Variants in MCM4 observed in about 807,000 individuals in gnomAD.
MCM4 encodes the protein minichromosome maintenance complex component 4.
MCM4 carries 60 observed loss-of-function variants against 88.7 expected under a neutral mutation model. The observed-to-expected ratio is 0.68, with a 90% confidence interval of 0.55 to 0.84. MCM4 has a LOEUF of 0.84. Ranked by LOEUF, MCM4 falls within the 40% of genes least tolerant of loss-of-function variation. The pLI is 0.00. For synonymous variants in MCM4, 465 were observed against 410.5 expected (o/e 1.13, Z -1.61); for missense variants, 1,149 against 1,105.5 (o/e 1.04, Z -0.56).
rs191572314 is a variant in MCM4 at position 47,962,501 on chromosome 8, G to C, written c.501+95G>C. 4.1e-5 allele frequency: 53 copies of C among 1,283,792 alleles called. No homozygotes were observed. The East Asian group carries it at 1.2e-3, about 30-fold the overall frequency. 79.5% of individuals were successfully genotyped at this position (1,283,792 alleles called of 1,614,324 possible). On this transcript the variant is annotated intron_variant, in intron 5 of 16. Transcript: ENST00000649973. ...ATCTAAGTAGCCATAATGACTAGAA[G>C]GGCCACCTGTGGTGGCTCACACCTA...
rs756064347 is a variant in MCM4 at position 47,974,838 on chromosome 8, A to G, written c.2241A>G (p.Val747=). 6.2e-6 allele frequency: 10 copies of G among 1,614,242 alleles called. No individual in the cohort carries two copies. The highest frequency in any genetic ancestry group is 1.6e-4 in the Middle Eastern group (1 of 6,062). ...GCTTAGCAGAAGCCCATGCTAAAGT[A>G]AGATTGTCTAACAAAGTTGAAGCCA... ...LIRLAEAHAK[V]RLSNKVEAID... Residue 747 remains valine, a synonymous_variant, in exon 15 of 17, where the codon GTA becomes GTG. Coordinates refer to ENST00000649973, the MANE Select transcript of MCM4 (RefSeq NM_182746.3).
At chr8:47,964,848 T>G in intron 8 of MCM4, 136 bp downstream of exon 8, 1 of 686,946 alleles carries the variant, frequency 1.5e-6, no homozygotes, top group Non-Finnish European at 2.3e-6. Flanking sequence ...TTGACAATAA[T>G]ATAGATTCAG....
rs369250243 is a variant in MCM4 at position 47,966,351 on chromosome 8, A to G, written c.997A>G (p.Thr333Ala). ...GCCCAGTGTGTGCGGGCGCTGCCAC[A>G]CCACCCACAGCATGGCACTCATCCA... Reference protein sequence around the residue: ...AEPSVCGRCHTTHSMALIHNR... With the variant: ...AEPSVCGRCHATHSMALIHNR... Residue 333 changes from threonine to alanine, a missense_variant, in exon 9 of 17, where the codon ACC becomes GCC. Transcript: ENST00000649973. The G allele has an allele frequency of 6.2e-6, 10 of 1,613,810 alleles. No homozygotes were observed. The highest frequency in any genetic ancestry group is 1.3e-5 in the African/African-American group (1 of 74,926).
intron 5 of MCM4, 84 bp downstream of exon 5, chr8:47,962,490 A>G: frequency 7.1e-7 from 1 of 1,404,032 alleles, no homozygotes; most frequent in Admixed American, 1.8e-5. Flanking sequence ...AAGTAGCCAT[A>G]ATGACTAGAA....
chr8:47,972,889 A>G lies in MCM4; in HGVS notation c.1961A>G (p.Gln654Arg). The change falls in exon 14 of 17, where the codon CAG becomes CGG. Residue 654 changes from glutamine (Q) to arginine (R), a missense_variant. By Grantham distance (43) the Gln-to-Arg change is conservative. Coordinates refer to ENST00000649973, the MANE Select transcript of MCM4 (RefSeq NM_182746.3). ...TTGATCTTCCTCTTGCTGGACCCTC[A>G]GGACGAAGCCTATGACAGGCGTCTG... ...FDLIFLLLDP[Q>R]DEAYDRRLAH... 6.2e-7 allele frequency: 1 copy of G among 1,614,190 alleles called. No homozygotes were observed. Among genetic ancestry groups the G allele is most frequent in the South Asian group, 1.1e-5 (1 of 91,084 alleles).
intron 11 of MCM4, 97 bp from the exon 12 acceptor site, chr8:47,970,414 A>T: frequency 7.0e-7 from 1 of 1,419,372 alleles, no homozygotes; most frequent in Non-Finnish European, 9.5e-7. Context: ...TCTTAATTGT[A>T]GTTCTTTATA....
chr8:47,961,753 C>A, intron 3 of MCM4, 73 bp downstream of exon 3: 1 of 1,513,338 alleles, frequency 6.6e-7, no homozygotes, highest in Non-Finnish European at 8.9e-7. Context: ...GGTTTACTGG[C>A]TTTATAACAG....
At chr8:47,970,152 A>G in intron 11 of MCM4, 95 bp downstream of exon 11, 1 of 1,426,970 alleles carries the variant, frequency 7.0e-7, no homozygotes, top group Non-Finnish European at 9.6e-7. Flanking sequence ...ATCCGCCATA[A>G]AGGACAGAGT....
chr8:47,964,633 C>T lies in MCM4; in HGVS notation c.753C>T (p.Asp251=). ...VNEIFFDRYP[D]SILEHQIQVR... ...AAATCTTCTTTGACCGTTACCCTGACTCAATCTTAGAACATCAGATTCAAG... is the reference window on the plus strand; with the variant it reads ...AAATCTTCTTTGACCGTTACCCTGATTCAATCTTAGAACATCAGATTCAAG... The change falls in exon 8 of 17, where the codon GAC becomes GAT. Residue 251 remains aspartate (D), a synonymous_variant. Transcript: ENST00000649973. The T allele has an allele frequency of 6.2e-7, 1 of 1,607,536 alleles. No homozygotes were observed. The highest frequency in any genetic ancestry group is 8.5e-7 in the Non-Finnish European group (1 of 1,178,348).
In MCM4 at chr8:47,967,221, A is replaced by T. The variant is rs146346237; in HGVS notation, c.1054-144A>T. On this transcript the variant is annotated intron_variant, in intron 9 of 16. Transcript: ENST00000649973. ...ACTTCTTTAGAAGAAGTAATTTCTA[A>T]GGAAATAATGAGAAACATGGACAAT... The T allele has an allele frequency of 2.2e-4, 199 of 898,724 alleles. No individual in the cohort carries two copies. The African/African-American group carries it at 3.2e-3, about 14-fold the overall frequency. 55.7% of individuals were successfully genotyped at this position (898,724 alleles called of 1,614,324 possible).
In MCM4 at chr8:47,975,765, A is replaced by G. The variant is rs775169389; in HGVS notation, c.2416A>G (p.Lys806Glu). The change falls in exon 16 of 17, where the codon AAA (lysine) becomes GAA (glutamate). Residue 806 changes from lysine (K) to glutamate (E), a missense_variant. By Grantham distance (56) the Lys-to-Glu change is moderately conservative. Coordinates refer to ENST00000649973, the MANE Select transcript of MCM4 (RefSeq NM_182746.3). Reference sequence around the variant, plus strand: ...GAAAGAAGAATTAGCTGAAGCATTGAAAAAGCTTATTTTATCTAAGGGCAA... The same window carrying G: ...GAAAGAAGAATTAGCTGAAGCATTGGAAAAGCTTATTTTATCTAAGGGCAA... ...KRKEELAEAL[K>E]KLILSKGKTP... 1.6e-5 allele frequency: 26 copies of G among 1,586,584 alleles called. No individual in the cohort carries two copies. In the East Asian group the frequency reaches 6.0e-4, roughly 36 times the overall value.
chr8:47,969,076 T>G (rs2090927181), intron 10 of MCM4: 1 of 152,212 alleles, frequency 6.6e-6, no homozygotes, highest in Non-Finnish European at 1.5e-5. Context: ...AGCATTGAGC[T>G]AGAAGCACAG....
At position 47,975,181 on chromosome 8, in the gene MCM4, TG is replaced by T. The variant is rs1343039276; in HGVS notation, c.2365+220del. On this transcript the variant is annotated intron_variant, in intron 15 of 16. Coordinates refer to ENST00000649973, the MANE Select transcript of MCM4 (RefSeq NM_182746.3). ...CACAGTTTTGTGTATAGTTTTTTTT[TG>T]TTTTTTTTTTTTATACTTTAAGTTT... The T allele has an allele frequency of 9.1e-4, 432 of 476,186 alleles. 2 individuals are homozygous for T. The highest frequency in any genetic ancestry group is 8.1e-3 in the African/African-American group (411 of 50,638). The allele number at this position is 476,186 out of a possible 1,614,324, so 29.5% of individuals were successfully genotyped here. A position where few individuals can be genotyped will look rare whatever the true frequency, so the allele number is the denominator to read the frequency against.
Position 47,961,512 on chromosome 8 carries a change from C to A in MCM4, c.71-4C>A, listed in dbSNP as rs765754905. ...GCTGTCTTTTCTGTTTTGTGTGACA[C>A]AAGCTCGGAGTGAGGATGCCAGGTC... On this transcript the variant is annotated splice_polypyrimidine_tract_variant and splice_region_variant and intron_variant, in intron 2 of 16. Transcript: ENST00000649973. The A allele has an allele frequency of 3.1e-6, 5 of 1,613,924 alleles. No individual in the cohort carries two copies. Among genetic ancestry groups the A allele is most frequent in the Non-Finnish European group, 4.2e-6 (5 of 1,180,036 alleles).
rs189215116 is a variant in MCM4 at position 47,975,526 on chromosome 8, T to G, written c.2366-189T>G. 135 of 438,096 alleles carry G rather than the reference T, an allele frequency of 3.1e-4. 1 individual carries two copies. Among genetic ancestry groups the G allele is most frequent in the African/African-American group, 2.6e-3 (126 of 48,516 alleles). 27.1% of individuals were successfully genotyped at this position (438,096 alleles called of 1,614,324 possible). On this transcript the variant is annotated intron_variant, in intron 15 of 16. Coordinates refer to ENST00000649973, the MANE Select transcript of MCM4 (RefSeq NM_182746.3). Reference sequence around the variant, plus strand: ...CTGCTTGCTGCACAGATGTGTAGACTGTTAAGGAAAGCAGCAGCTAGTGGC... The same window carrying G: ...CTGCTTGCTGCACAGATGTGTAGACGGTTAAGGAAAGCAGCAGCTAGTGGC...
rs760965938 is a variant in MCM4, at chr8:47,961,202, C to T, written c.58C>T (p.Pro20Ser). Residue 20 changes from proline (P) to serine (S), a missense_variant, in exon 2 of 17, where the codon CCC becomes TCC. By Grantham distance (74) the Pro-to-Ser change is moderately conservative (BLOSUM62 -1). This residue lies in a region of MCM4 where 906 missense variants were observed against 843.0 expected (regional missense o/e 1.07). Transcript: ENST00000649973. ...RRGSRRGRAT[P>S]AQTPRSEDAR... Reference sequence around the variant, plus strand: ...CGGCAGCCGGCGTGGAAGGGCCACCCCCGCCCAGACGCGTGAGTCCCCCGA... The same window carrying T: ...CGGCAGCCGGCGTGGAAGGGCCACCTCCGCCCAGACGCGTGAGTCCCCCGA... The T allele has an allele frequency of 6.6e-6, 10 of 1,525,216 alleles. No individual in the cohort carries two copies. Among genetic ancestry groups the T allele is most frequent in the Non-Finnish European group, 7.0e-6 (8 of 1,144,946 alleles). 94.5% of individuals were successfully genotyped at this position (1,525,216 alleles called of 1,614,324 possible).
chr8:47,963,112 TC>T lies in MCM4; in HGVS notation c.693+73del, dbSNP rs113459325. ...AAGAATGTTTCCAGATAACAGAAAT[TC>T]TTCAGTAATGAAGATAGTATGCGCA... is the stretch of plus-strand genomic sequence containing the variant. On this transcript the variant is annotated intron_variant, in intron 7 of 16. Transcript: ENST00000649973. 6 of 905,344 alleles carry T rather than the reference TC, an allele frequency of 6.6e-6. No homozygotes were observed. The African/African-American group carries it at 1.0e-4, about 15-fold the overall frequency. 56.1% of individuals were successfully genotyped at this position (905,344 alleles called of 1,614,324 possible).
In MCM4 at chr8:47,971,473, TA is replaced by T; in HGVS notation, c.1928+9del. 1.9e-6 allele frequency: 3 copies of T among 1,613,814 alleles called. No homozygotes were observed. Among genetic ancestry groups the T allele is most frequent in the Non-Finnish European group, 2.5e-6 (3 of 1,179,694 alleles). On this transcript the variant is annotated splice_donor_region_variant and intron_variant, in intron 13 of 16. Transcript: ENST00000649973. Reference sequence around the variant, plus strand: ...GCCTCATACTTTATTATCAAGGTATTAAAACAGATTTTTATTTTGTTCATTT... The same window carrying T: ...GCCTCATACTTTATTATCAAGGTATTAAACAGATTTTTATTTTGTTCATTT...
chr8:47,962,679 T>A, intron 5 of MCM4, 85 bp from the exon 6 acceptor site: 2 of 784,196 alleles, frequency 2.6e-6, no homozygotes, highest in South Asian at 3.3e-5. Context: ...CTCCTGATAG[T>A]GACATACTCA....
Sources: allele counts gnomAD v4.1 joint callset, GRCh38; gene constraint gnomAD v4.1.1; regional missense constraint gnomAD v4.1.1; transcripts MANE v1.5; gene names NCBI Gene and HGNC (gene_info 2026-07-23, HGNC 2026-07-21).